The following CENPV variants were observed in gnomAD, a reference collection of about 807,000 sequenced individuals.
The protein encoded by CENPV is nuclear protein p30.
A neutral mutation model predicts 26.4 loss-of-function variants in CENPV; 15 were observed. That is an observed-to-expected ratio of 0.57 (90% CI 0.38 to 0.88). The LOEUF (loss-of-function observed/expected upper bound fraction) is 0.88. Ranked by LOEUF, CENPV falls within the 40% of genes least tolerant of loss-of-function variation. The probability of loss-of-function intolerance (pLI) is 0.00; values close to 1 mark genes in which losing one functional copy is unlikely to be tolerated. For synonymous variants in CENPV, 172 were observed against 165.5 expected (o/e 1.04, Z -0.30); for missense variants, 336 against 376.5 (o/e 0.89, Z 0.89).
chr17:16,347,363 C>A (rs1165963587), intron 3 of CENPV, among the ~76,000 whole-genome samples: 4 of 152,136 alleles, frequency 2.6e-5, no homozygotes, highest in Non-Finnish European at 1.5e-5. Flanking sequence ...ATAGCCACTG[C>A]AGCACAGAAA....
Position 16,353,266 on chromosome 17 carries a change from C to G in CENPV, c.171G>C (p.Pro57=). Residue 57 remains proline, a synonymous_variant, in exon 1 of 5, where the codon CCG becomes CCC. Transcript: ENST00000299736. The part of the protein sequence containing the change: ...GSKSQAVEKP[P]SEKPRLRRSS... ...AGCGCCTCAGCCGCGGCTTCTCCGA[C>G]GGCGGCTTCTCCACCGCCTGGCTCT... is the stretch of plus-strand genomic sequence containing the variant. The G allele has an allele frequency of 7.0e-7, 1 of 1,418,624 alleles. No homozygotes were observed. The highest frequency in any genetic ancestry group is 9.2e-7 in the Non-Finnish European group (1 of 1,086,842). The allele number at this position is 1,418,624 out of a possible 1,614,324, so 87.9% of individuals were successfully genotyped here.
intron 3 of CENPV, 180 bp downstream of exon 3, chr17:16,348,436 C>T (rs1388903812): frequency 1.0e-5 from 14 of 1,382,872 alleles, no homozygotes; most frequent in South Asian, 3.0e-5. Flanking sequence ...GGATTACAGG[C>T]GTGAGCCACT....
chr17:16,346,523 G>A (rs1466158977), intron 3 of CENPV, among the ~76,000 whole-genome samples: 1 of 152,118 alleles, frequency 6.6e-6, no homozygotes, highest in Non-Finnish European at 1.5e-5. Context: ...GGCCAAGGTG[G>A]GCAGATCACT....
At chr17:16,348,481 C>A in intron 3 of CENPV, 135 bp downstream of exon 3, 1 of 1,505,756 alleles carries the variant, frequency 6.6e-7, no homozygotes, top group Middle Eastern at 2.3e-4. Flanking sequence ...CAACCTGAAA[C>A]CAAAGCCCGT....
chr17:16,349,077 C>T, intron 2 of CENPV: 4 of 993,312 alleles, frequency 4.0e-6, no homozygotes, highest in Non-Finnish European at 4.8e-6. Context: ...TTAGGTTTCC[C>T]TCTTTCTTCA....
intron 3 of CENPV, 54 bp from the exon 4 acceptor site, chr17:16,344,765 AATTT>A (rs533107813): frequency 2.0e-4 from 193 of 954,150 alleles, no homozygotes; most frequent in Middle Eastern, 6.1e-4. Flanking sequence ...TTATTTATTT[AATTT>A]ATTTATTTAT....
chr17:16,343,933 AC>A (rs2093193769), intron 4 of CENPV, among the ~76,000 whole-genome samples: 2 of 152,154 alleles, frequency 1.3e-5, no homozygotes. Context: ...ATTCTCAACA[AC>A]TGTCAGAGGG....
intron 2 of CENPV, 96 bp from the exon 3 acceptor site, chr17:16,348,781 T>A: frequency 6.4e-7 from 1 of 1,574,028 alleles, no homozygotes; most frequent in Non-Finnish European, 8.6e-7. Context: ...ACCCCACAGA[T>A]GATGCCCCTT....
rs1323134784 is a variant in CENPV, at chr17:16,353,011, G to A, written c.410+16C>T. 2 of 1,542,602 alleles carry A rather than the reference G, an allele frequency of 1.3e-6. No homozygotes were observed. Among genetic ancestry groups the A allele is most frequent in the African/African-American group, 1.4e-5 (1 of 70,000 alleles). On this transcript the variant is annotated intron_variant, in intron 1 of 4. Transcript: ENST00000299736. ...CGTGGCAACGGCTCCCGCGCCCCCC[G>A]GCCCGCCGCACTCACAAGGTGTCTA...
At position 16,352,455 on chromosome 17, in the gene CENPV, C is replaced by A. The variant is rs555481927; in HGVS notation, c.410+572G>T. Among the ~76,000 whole-genome samples the A allele has an allele frequency of 5.3e-5, 8 of 152,228 alleles. No individual in the cohort carries two copies. In the South Asian group the frequency reaches 1.5e-3, roughly 28 times the overall value. ...CGCGAGGCCGGAGCATCTCTTCGCG[C>A]GCGCTTCTCTCCCGGATCAATAACC... On this transcript the variant is annotated intron_variant, in intron 1 of 4. Coordinates refer to ENST00000299736, the MANE Select transcript of CENPV (RefSeq NM_181716.3).
rs994886463 is a variant in CENPV at position 16,342,625 on chromosome 17, G to T, written c.*192C>A. On this transcript the variant is annotated 3_prime_UTR_variant, in exon 5 of 5. Coordinates refer to ENST00000299736, the MANE Select transcript of CENPV (RefSeq NM_181716.3). ...TGTCAATTAGACTACATCAAAATCT[G>T]GGCAGAGGGAGGACAAAGAGCTGCC... is the stretch of plus-strand genomic sequence containing the variant. The T allele has an allele frequency of 1.7e-6, 1 of 580,270 alleles. No individual in the cohort carries two copies. Among genetic ancestry groups the T allele is most frequent in the Non-Finnish European group, 3.0e-6 (1 of 329,388 alleles). The allele number at this position is 580,270 out of a possible 1,614,324, so 35.9% of individuals were successfully genotyped here. A position where few individuals can be genotyped will look rare whatever the true frequency, so the allele number is the denominator to read the frequency against.
At position 16,349,001 on chromosome 17, in the gene CENPV, C is replaced by G. The variant is rs376117303; in HGVS notation, c.510-316G>C. ...CTGGACTTCAGAGACACTTAGGAAA[C>G]AAATTTCAGACACTGCTACAACCTG... On this transcript the variant is annotated intron_variant, in intron 2 of 4. Transcript: ENST00000299736. 35 of 1,054,738 alleles carry G rather than the reference C, an allele frequency of 3.3e-5. 1 individual carries two copies. The East Asian group carries it at 1.0e-3, about 31-fold the overall frequency. The allele number at this position is 1,054,738 out of a possible 1,614,324, so 65.3% of individuals were successfully genotyped here.
rs760385714 is a variant in CENPV at position 16,353,038 on chromosome 17, C to G, written c.399G>C (p.Leu133=). The change falls in exon 1 of 5, where the codon CTG becomes CTC. Residue 133 remains leucine (L), a synonymous_variant. Coordinates refer to ENST00000299736, the MANE Select transcript of CENPV (RefSeq NM_181716.3). ...KLTSEGAAKL[L]LDTFEYQGLV... ...CCCGCCGCACTCACAAGGTGTCTAGCAGGAGCTTGGCGGCACCCTCGGAGG... is the reference window on the plus strand; with the variant it reads ...CCCGCCGCACTCACAAGGTGTCTAGGAGGAGCTTGGCGGCACCCTCGGAGG... 13 of 1,576,254 alleles carry G rather than the reference C, an allele frequency of 8.2e-6. No homozygotes were observed. Among genetic ancestry groups the G allele is most frequent in the Non-Finnish European group, 1.1e-5 (13 of 1,162,668 alleles).
At chr17:16,344,287 T>C (rs2093195373) in intron 4 of CENPV, 1 of 195,204 alleles carries the variant, frequency 5.1e-6, no homozygotes, top group Non-Finnish European at 1.0e-5. Flanking sequence ...TCCTCACCCC[T>C]CTCCTCCCTA....
chr17:16,351,725 G>A (rs1346219693), intron 1 of CENPV: 1 of 152,098 alleles, frequency 6.6e-6, no homozygotes, highest in Admixed American at 6.6e-5. Flanking sequence ...GAGAAAAACA[G>A]CTTTTTTATG....
chr17:16,351,524 C>G (rs1256393149), intron 1 of CENPV: 1 of 152,204 alleles, frequency 6.6e-6, no homozygotes, highest in Non-Finnish European at 1.5e-5. Flanking sequence ...AAACTTCACA[C>G]TATTTGAGAG....
chr17:16,344,919 G>A (rs1283589476), intron 3 of CENPV, among the ~76,000 whole-genome samples: 1 of 151,630 alleles, frequency 6.6e-6, no homozygotes, highest in Non-Finnish European at 1.5e-5. Context: ...TTATAGGCGC[G>A]TGCCCCCATG....
chr17:16,353,252 C>A lies in CENPV; in HGVS notation c.185G>T (p.Arg62Leu), dbSNP rs113562102. 1.4e-6 allele frequency: 2 copies of A among 1,416,332 alleles called. No homozygotes were observed. The highest frequency in any genetic ancestry group is 1.5e-5 in the African/African-American group (1 of 67,098). 87.7% of individuals were successfully genotyped at this position (1,416,332 alleles called of 1,614,324 possible). Residue 62 changes from arginine to leucine, a missense_variant, in exon 1 of 5, where the codon CGG becomes CTG. Arg to Leu is a moderately radical substitution (Grantham distance 102, BLOSUM62 -2). This residue lies in a region of CENPV where 181 missense variants were observed against 148.8 expected (regional missense o/e 1.22). Transcript: ENST00000299736. ...AVEKPPSEKP[R>L]LRRSSPRAQE... The stretch of plus-strand genomic sequence containing the variant: ...GGCCCGCGGCGACGAGCGCCTCAGC[C>A]GCGGCTTCTCCGACGGCGGCTTCTC...
chr17:16,343,044 A>G, intron 4 of CENPV, 103 bp from the exon 5 acceptor site: 1 of 1,317,190 alleles, frequency 7.6e-7, no homozygotes, highest in Non-Finnish European at 1.1e-6. Context: ...TCATCACGCT[A>G]CACATTAGGG....
Sources: gnomAD v4.1 joint callset for allele counts (sites outside exome capture counted in the v4.1 genomes callset) on GRCh38, gnomAD v4.1.1 for gene constraint, gnomAD v4.1.1 regional missense constraint, MANE v1.5 for transcripts, NCBI Gene and HGNC (gene_info 2026-07-23, HGNC 2026-07-21) for gene names.